The following SURF4 variants were observed in gnomAD, a reference collection of about 807,000 sequenced individuals.
The protein encoded by SURF4 is surfeit 4, also known as surfeit locus protein 4.
Under a neutral mutation model 30.0 loss-of-function variants are expected in SURF4, and 3 were observed. That is an observed-to-expected ratio of 0.10 (90% CI 0.05 to 0.26). SURF4 has a LOEUF of 0.26. Ranked by LOEUF, SURF4 falls within the 10% of genes least tolerant of loss-of-function variation. The pLI is 1.00. For missense variants in SURF4, 217 were observed against 350.8 expected, an observed-to-expected ratio of 0.62 and a Z score of 3.05; for synonymous variants, 143 against 139.9, an observed-to-expected ratio of 1.02 and a Z score of -0.16.
At chr9:133,368,026 G>A (rs2130153422) in intron 1 of SURF4, among the ~76,000 whole-genome samples, 1 of 152,198 alleles carries the variant, frequency 6.6e-6, no homozygotes, top group African/African-American at 2.4e-5. Context: ...CTGAGGCACC[G>A]CTGCACTTTG....
At chr9:133,376,961 A>G (rs912032166), upstream of SURF4, among the ~76,000 whole-genome samples, 1 of 152,256 alleles carries the variant, frequency 6.6e-6, no homozygotes, top group Non-Finnish European at 1.5e-5. Context: ...AGACCTAAAA[A>G]ATTCACAAAA....
chr9:133,376,530 G>A (rs2130248951), upstream of SURF4: 1 of 1,600,942 alleles, frequency 6.2e-7, no homozygotes, highest in Non-Finnish European at 8.5e-7. Flanking sequence ...GAGGCCCAGG[G>A]TCCCCCGGAG....
chr9:133,363,725 A>G lies in SURF4; in HGVS notation c.578T>C (p.Ile193Thr). Reference protein sequence around the residue: ...VQNIVGTALMILVAIGFKTKL... With the variant: ...VQNIVGTALMTLVAIGFKTKL... ...GGTTTTAAAACCAATGGCCACTAAAATCATCAGAGCTGTGCCCACGATGTT... is the reference window on the plus strand; with the variant it reads ...GGTTTTAAAACCAATGGCCACTAAAGTCATCAGAGCTGTGCCCACGATGTT... The change falls in exon 6 of 6, where the codon ATT becomes ACT. Residue 193 changes from isoleucine to threonine, a missense_variant. Transcript: ENST00000371989. The surrounding 1 kb of genome is among the most constrained non-coding windows in gnomAD (Gnocchi z 4.3). 6.2e-7 allele frequency: 1 copy of G among 1,614,220 alleles called. No individual in the cohort carries two copies. The highest frequency in any genetic ancestry group is 8.5e-7 in the Non-Finnish European group (1 of 1,180,052).
Position 133,364,010 on chromosome 9 carries a change from A to G in SURF4, c.544-251T>C, listed in dbSNP as rs1212935561. 5 of 698,972 alleles carry G rather than the reference A, an allele frequency of 7.2e-6. No individual in the cohort carries two copies. In the Admixed American group the frequency reaches 1.1e-4, roughly 15 times the overall value. 43.3% of individuals were successfully genotyped at this position (698,972 alleles called of 1,614,324 possible). A position where few individuals can be genotyped will look rare whatever the true frequency, so the allele number is the denominator to read the frequency against. On this transcript the variant is annotated intron_variant, in intron 5 of 5. Coordinates refer to ENST00000371989, the MANE Select transcript of SURF4 (RefSeq NM_033161.4). ...CCCAACTAGTAACAGGCTGTGATTT[A>G]CCAAGATGAATCTCTAATCCATAAC...
At chr9:133,368,802 A>G (rs1274592077) in intron 1 of SURF4, among the ~76,000 whole-genome samples, 2 of 152,152 alleles carry the variant, frequency 1.3e-5, no homozygotes, top group Non-Finnish European at 2.9e-5. Context: ...ATAAAGTGAA[A>G]GAAATACTGT....
chr9:133,374,803 T>G (rs1480586989), intron 1 of SURF4, among the ~76,000 whole-genome samples: 1 of 152,054 alleles, frequency 6.6e-6, no homozygotes, highest in Non-Finnish European at 1.5e-5. Flanking sequence ...ACTTACTCTT[T>G]TCTTTTTTTT....
rs1391671103 is a variant in SURF4, at chr9:133,363,892, G to A, written c.544-133C>T. The stretch of plus-strand genomic sequence containing the variant: ...TGATGTAGCTACTGCTGAGACGGCT[G>A]CTGGTGCAAGTAGGGAGATAAAAGC... On this transcript the variant is annotated intron_variant, in intron 5 of 5. Transcript: ENST00000371989. This position sits in a 1 kb window ranked among gnomAD's most constrained non-coding sequence, Gnocchi z 4.3. 1 of 1,136,106 alleles carries A rather than the reference G, an allele frequency of 8.8e-7. No homozygotes were observed. Among genetic ancestry groups the A allele is most frequent in the South Asian group, 1.3e-5 (1 of 76,898 alleles). The allele number at this position is 1,136,106 out of a possible 1,614,324, so 70.4% of individuals were successfully genotyped here.
chr9:133,377,286 A>C (rs1838002294), upstream of SURF4, among the ~76,000 whole-genome samples: 1 of 152,124 alleles, frequency 6.6e-6, no homozygotes, highest in South Asian at 2.1e-4. Flanking sequence ...TTGATTCGAG[A>C]TACGGCTCCA....
At chr9:133,369,678 G>A (rs2130172021) in intron 1 of SURF4, among the ~76,000 whole-genome samples, 14 of 152,182 alleles carry the variant, frequency 9.2e-5, no homozygotes, top group South Asian at 2.1e-4. Flanking sequence ...TCATGGCCCC[G>A]TTGCTCTCTA....
intron 1 of SURF4, among the ~76,000 whole-genome samples, chr9:133,368,985 C>G: frequency 6.6e-6 from 1 of 152,290 alleles, no homozygotes; most frequent in Middle Eastern, 3.4e-3. Flanking sequence ...GGAAGATATG[C>G]GTGTTTCTTA....
intron 4 of SURF4, 67 bp downstream of exon 4, chr9:133,365,918 G>A: frequency 6.6e-7 from 1 of 1,505,794 alleles, no homozygotes; most frequent in Middle Eastern, 1.7e-4. Context: ...GAGCATTTCA[G>A]ACTTTGGATT....
At chr9:133,366,761 C>T (rs1837201949) in intron 2 of SURF4, 86 bp from the exon 3 acceptor site, 1 of 1,314,344 alleles carries the variant, frequency 7.6e-7, no homozygotes, top group Admixed American at 1.9e-5. Flanking sequence ...TCACCTGGCC[C>T]TTAGGTCCAG....
intron 1 of SURF4, among the ~76,000 whole-genome samples, chr9:133,370,280 T>C (rs1837427689): frequency 6.6e-6 from 1 of 152,192 alleles, no homozygotes; most frequent in Non-Finnish European, 1.5e-5. Context: ...TCACACCTCC[T>C]TCCCTGCGCA....
chr9:133,371,341 C>A (rs2130188039), intron 1 of SURF4, among the ~76,000 whole-genome samples: 2 of 152,228 alleles, frequency 1.3e-5, no homozygotes, highest in Admixed American at 6.5e-5. Flanking sequence ...AGAGCTGGCT[C>A]GAGCTCACTG....
In SURF4 at chr9:133,373,501, G is replaced by A. The variant is rs2130207920; in HGVS notation, c.48+2421C>T. Among the ~76,000 whole-genome samples, 6 of 151,958 alleles carry A rather than the reference G, an allele frequency of 3.9e-5. No homozygotes were observed. In the East Asian group the frequency reaches 1.2e-3, roughly 29 times the overall value. On this transcript the variant is annotated intron_variant, in intron 1 of 5. Transcript: ENST00000371989. ...GCCTGTCATCTCAGCTACTGAGGAG[G>A]CTGAGGCAGGAGAATAGCTTGAACC...
In SURF4 at chr9:133,363,251, G is replaced by A. The variant is rs1214352109; in HGVS notation, c.*242C>T. ...GTTCACTCCAAAGCCTCGGCGTGGG[G>A]GAGGCTTCCAGCTGCCAGGCTGGCC... On this transcript the variant is annotated 3_prime_UTR_variant, in exon 6 of 6. Coordinates refer to ENST00000371989, the MANE Select transcript of SURF4 (RefSeq NM_033161.4). This position sits in a 1 kb window ranked among gnomAD's most constrained non-coding sequence, Gnocchi z 4.3. The A allele has an allele frequency of 8.5e-6, 6 of 703,678 alleles. No individual in the cohort carries two copies. Among genetic ancestry groups the A allele is most frequent in the African/African-American group, 7.1e-5 (4 of 56,254 alleles). 43.6% of individuals were successfully genotyped at this position (703,678 alleles called of 1,614,324 possible).
intron 1 of SURF4, among the ~76,000 whole-genome samples, chr9:133,372,321 G>A (rs960510013): frequency 6.6e-6 from 1 of 152,246 alleles, no homozygotes; most frequent in African/African-American, 2.4e-5. Context: ...ACCAGCCTCT[G>A]CAGGCCAGAA....
chr9:133,375,322 C>T (rs1837822207), intron 1 of SURF4: 1 of 984,872 alleles, frequency 1.0e-6, no homozygotes, highest in Non-Finnish European at 1.2e-6. Flanking sequence ...CAATCCAGCC[C>T]AGGGCAGAGT....
At chr9:133,367,134 A>G in intron 2 of SURF4, 125 bp downstream of exon 2, 2 of 1,263,410 alleles carry the variant, frequency 1.6e-6, no homozygotes, top group Middle Eastern at 2.8e-4. Context: ...GCTGAGCTGG[A>G]GAAGAGGGGA....
Sources: gnomAD v4.1 joint callset for allele counts (sites outside exome capture counted in the v4.1 genomes callset) on GRCh38, gnomAD v4.1.1 for gene constraint, Gnocchi (gnomAD v3.1) non-coding constraint, MANE v1.5 for transcripts, NCBI Gene and HGNC (gene_info 2026-07-23, HGNC 2026-07-21) for gene names.